ATRNL1: variants seen among roughly 807,000 people sequenced by gnomAD.
ATRNL1 encodes attractin like 1.
Under a neutral mutation model 182.7 loss-of-function variants are expected in ATRNL1, and 95 were observed. The observed-to-expected ratio is 0.52, with a 90% CI of 0.44 to 0.62. The LOEUF (loss-of-function observed/expected upper bound fraction) is 0.62, where lower values mean the gene tolerates loss of function less well. ATRNL1 is among the 20% of genes least tolerant of loss of function. The pLI is 0.00. For missense variants in ATRNL1, 1,471 were observed against 1,679.5 expected (o/e 0.88, Z 2.17); for synonymous variants, 576 against 568.3 (o/e 1.01, Z -0.19).
intron 26 of ATRNL1, among the ~76,000 whole-genome samples, chr10:115,711,611 C>T (rs538672283): frequency 2.0e-5 from 3 of 152,172 alleles, no homozygotes; most frequent in East Asian, 1.9e-4. Flanking sequence ...GGGCAGGAGG[C>T]GAATTCTAAT....
At chr10:115,944,559 C>A in intron 28 of ATRNL1, 99 bp from the exon 29 acceptor site, 1 of 1,022,488 alleles carries the variant, frequency 9.8e-7, no homozygotes, top group Non-Finnish European at 1.4e-6. Context: ...CGTGTGATGA[C>A]TAAATGAAAA....
At chr10:115,905,476 C>T (rs1952476489) in intron 28 of ATRNL1, among the ~76,000 whole-genome samples, 1 of 151,914 alleles carries the variant, frequency 6.6e-6, no homozygotes, top group African/African-American at 2.4e-5. Context: ...GTGATCCACC[C>T]ACCTCGGCCT....
At chr10:115,720,884 G>T (rs1027475383) in intron 26 of ATRNL1, among the ~76,000 whole-genome samples, 4 of 152,078 alleles carry the variant, frequency 2.6e-5, no homozygotes, top group Admixed American at 6.6e-5. Context: ...GTTCCCTTTT[G>T]TTTTAAGCAT....
intron 5 of ATRNL1, among the ~76,000 whole-genome samples, chr10:115,152,273 G>A (rs1355706394): frequency 3.3e-5 from 5 of 152,158 alleles, no homozygotes; most frequent in African/African-American, 1.2e-4. Context: ...TAGCTTGATG[G>A]GGATGGCATT....
intron 26 of ATRNL1, among the ~76,000 whole-genome samples, chr10:115,719,169 G>A (rs1593118421): frequency 6.6e-6 from 1 of 152,278 alleles, no homozygotes; most frequent in Non-Finnish European, 1.5e-5. Flanking sequence ...TTTGGAATTT[G>A]AAGTAAAGAA....
chr10:115,249,823 A>G (rs914614833), intron 10 of ATRNL1, among the ~76,000 whole-genome samples: 11 of 152,176 alleles, frequency 7.2e-5, no homozygotes, highest in Non-Finnish European at 1.3e-4. Flanking sequence ...TGAACTGTTT[A>G]TGAAGTGATA....
intron 24 of ATRNL1, among the ~76,000 whole-genome samples, chr10:115,489,527 A>G (rs1849191948): frequency 6.6e-6 from 1 of 152,104 alleles, no homozygotes; most frequent in Non-Finnish European, 1.5e-5. Context: ...AGTCTGTTTT[A>G]TCAGAGACTA....
intron 28 of ATRNL1, among the ~76,000 whole-genome samples, chr10:115,871,240 C>T (rs1555105999): frequency 6.6e-6 from 1 of 151,898 alleles, no homozygotes; most frequent in Non-Finnish European, 1.5e-5. Context: ...ATACTTTCCC[C>T]TTTACACTAA....
intron 27 of ATRNL1, among the ~76,000 whole-genome samples, chr10:115,777,293 G>GTTATAAAAAAAA (rs1949150794): frequency 6.6e-6 from 1 of 152,046 alleles, no homozygotes; most frequent in Admixed American, 6.6e-5. Flanking sequence ...ATTGTTACTA[G>GTTATAAAAAAAA]TTTTATATTT....
chr10:115,659,685 AG>A (rs1860553798), intron 26 of ATRNL1, among the ~76,000 whole-genome samples: 1 of 152,142 alleles, frequency 6.6e-6, no homozygotes, highest in Non-Finnish European at 1.5e-5. Flanking sequence ...TTCATAAAAA[AG>A]GTTCATAACT....
intron 21 of ATRNL1, among the ~76,000 whole-genome samples, chr10:115,460,808 G>A (rs1847758851): frequency 6.6e-6 from 1 of 152,100 alleles, no homozygotes; most frequent in African/African-American, 2.4e-5. Context: ...ATTCAGTAGA[G>A]TATTACTTGC....
intron 17 of ATRNL1, among the ~76,000 whole-genome samples, chr10:115,309,647 T>A (rs115447619): frequency 0.012 from 1,787 of 152,230 alleles, 33 homozygotes; most frequent in African/African-American, 0.04. Flanking sequence ...ACTGAATTGA[T>A]TTATCAAATC....
At chr10:115,743,774 T>C (rs1184375321) in intron 27 of ATRNL1, among the ~76,000 whole-genome samples, 1 of 81,090 alleles carries the variant, frequency 1.2e-5, no homozygotes, top group Admixed American at 1.7e-4. Context: ...TAAAATACTA[T>C]GTGTATTTTA....
chr10:115,491,598 C>T (rs1055631980), intron 24 of ATRNL1, among the ~76,000 whole-genome samples: 2 of 152,124 alleles, frequency 1.3e-5, no homozygotes, highest in South Asian at 2.1e-4. Flanking sequence ...CCACTCCCCC[C>T]ACCAAGCTGG....
rs1290872269 is a variant in ATRNL1 at position 115,334,381 on chromosome 10, G to A, written c.3137G>A (p.Gly1046Asp). 1 of 1,604,592 alleles carries A rather than the reference G, an allele frequency of 6.2e-7. No individual in the cohort carries two copies. Among genetic ancestry groups the A allele is most frequent in the Non-Finnish European group, 8.5e-7 (1 of 1,173,676 alleles). Residue 1046 changes from glycine (G) to aspartate (D), a missense_variant, in exon 19 of 29, where the codon GGT becomes GAT. Coordinates refer to ENST00000355044, the MANE Select transcript of ATRNL1 (RefSeq NM_207303.4). ...TGKQCQDCMPGYYGDPTNGGQ... is the reference protein window; with the variant it reads ...TGKQCQDCMPDYYGDPTNGGQ... ...AAGCAGTGTCAAGATTGTATGCCAG[G>A]TTATTATGGAGATCCAACCAATGGT...
At chr10:115,597,631 G>T (rs891552996) in intron 26 of ATRNL1, 11 of 428,958 alleles carry the variant, frequency 2.6e-5, no homozygotes, top group Non-Finnish European at 4.5e-5. Context: ...GGCGTGCAGT[G>T]TGGGGATCTC....
intron 19 of ATRNL1, among the ~76,000 whole-genome samples, chr10:115,392,583 C>A (rs1411384475): frequency 1.3e-5 from 2 of 151,910 alleles, no homozygotes; most frequent in East Asian, 3.9e-4. Context: ...TTTTTTTGAT[C>A]TTTCTAGGGG....
At chr10:115,317,064 G>A (rs1469259540) in intron 18 of ATRNL1, among the ~76,000 whole-genome samples, 2 of 151,978 alleles carry the variant, frequency 1.3e-5, no homozygotes, top group African/African-American at 4.8e-5. Flanking sequence ...ACATTTAACT[G>A]TTTAATCCAT....
chr10:115,763,635 G>A (rs1555074233), intron 27 of ATRNL1, among the ~76,000 whole-genome samples: 1 of 152,016 alleles, frequency 6.6e-6, no homozygotes, highest in African/African-American at 2.4e-5. Flanking sequence ...GTGGGGGACT[G>A]GAGAAGACTT....
Sources: allele counts gnomAD v4.1 joint callset (sites outside exome capture counted in the v4.1 genomes callset), GRCh38; gene constraint gnomAD v4.1.1; transcripts MANE v1.5; gene names NCBI Gene and HGNC (gene_info 2026-07-23, HGNC 2026-07-21).